HECTD4: variants seen among roughly 807,000 people sequenced by gnomAD.
HECTD4 encodes the protein probable E3 ubiquitin-protein ligase HECTD4.
A neutral mutation model predicts 471.5 loss-of-function variants in HECTD4; 114 were observed. That is an observed-to-expected ratio of 0.24 (90% CI 0.21 to 0.28). The LOEUF (loss-of-function observed/expected upper bound fraction) is 0.28, where lower values mean the gene tolerates loss of function less well. Ranked by LOEUF, HECTD4 falls within the 10% of genes least tolerant of loss-of-function variation. The pLI, the probability that HECTD4 is intolerant of heterozygous loss-of-function variation, is 1.00. For missense variants in HECTD4, 3,866 were observed against 5,651.5 expected (o/e 0.68, Z 10.13); for synonymous variants, 2,012 against 2,256.0 (o/e 0.89, Z 3.07).
chr12:112,164,517 G>A (rs1233439965), intron 72 of HECTD4, among the ~76,000 whole-genome samples: 2 of 152,096 alleles, frequency 1.3e-5, no homozygotes, highest in African/African-American at 2.4e-5. Context: ...TGGAGGCAGC[G>A]ATCCTCTCTC....
chr12:112,295,810 AAT>A (rs1555256046), intron 7 of HECTD4, among the ~76,000 whole-genome samples: 6 of 141,894 alleles, frequency 4.2e-5, no homozygotes, highest in African/African-American at 1.6e-4. Context: ...TTAAAAAAAA[AAT>A]ATATATATAT....
chr12:112,336,989 A>T (rs999550405), intron 1 of HECTD4, among the ~76,000 whole-genome samples: 2 of 152,228 alleles, frequency 1.3e-5, no homozygotes, highest in Admixed American at 1.3e-4. Context: ...AGTTCTTGTA[A>T]TGTAAATGAC....
At position 112,179,109 on chromosome 12, in the gene HECTD4, G is replaced by C. The variant is rs1593899979; in HGVS notation, c.11212-27C>G. 3 of 1,613,702 alleles carry C rather than the reference G, an allele frequency of 1.9e-6. No homozygotes were observed. The highest frequency in any genetic ancestry group is 1.7e-5 in the Admixed American group (1 of 59,966). ...TGTGGAGCACAGAGGCAGCGGGGAG[G>C]CTCTCAGGTTCGCCCTGCAGGGCAC... On this transcript the variant is annotated intron_variant, in intron 63 of 75. Transcript: ENST00000682272. This position sits in a 1 kb window ranked among gnomAD's most constrained non-coding sequence, Gnocchi z 4.3.
Position 112,193,369 on chromosome 12 carries a change from G to C in HECTD4, c.8955+100C>G. Reference sequence around the variant, plus strand: ...TAGGAAAAGGAAATCGAGAGGAATAGGGACTTGGAAGGGAAAGGGGAGTCA... The same window carrying C: ...TAGGAAAAGGAAATCGAGAGGAATACGGACTTGGAAGGGAAAGGGGAGTCA... On this transcript the variant is annotated intron_variant, in intron 57 of 75. Transcript: ENST00000682272. This position sits in a 1 kb window ranked among gnomAD's most constrained non-coding sequence, Gnocchi z 5.2. The C allele has an allele frequency of 1.5e-6, 2 of 1,356,462 alleles. No individual in the cohort carries two copies. The allele number at this position is 1,356,462 out of a possible 1,614,324, so 84.0% of individuals were successfully genotyped here.
At chr12:112,170,173 G>A (rs1306866524) in intron 69 of HECTD4, 160 bp downstream of exon 69, 8 of 1,001,726 alleles carry the variant, frequency 8.0e-6, no homozygotes, top group African/African-American at 1.6e-5. Context: ...AGCTCCTGAG[G>A]GGACCTTCCA....
At position 112,258,962 on chromosome 12, in the gene HECTD4, T is replaced by G. The variant is rs866381287; in HGVS notation, c.3027+150A>C. On this transcript the variant is annotated intron_variant, in intron 19 of 75. Transcript: ENST00000682272. ...TGTTTTCCCTTATTATTTATTTTTA[T>G]GACATGATATTTTTCTTCATTCCAT... 4.0e-5 allele frequency: 28 copies of G among 708,058 alleles called. No homozygotes were observed. The African/African-American group carries it at 4.2e-4, about 11-fold the overall frequency. The allele number at this position is 708,058 out of a possible 1,614,324, so 43.9% of individuals were successfully genotyped here.
At chr12:112,202,274 C>T (rs964598444) in intron 54 of HECTD4, among the ~76,000 whole-genome samples, 4 of 151,644 alleles carry the variant, frequency 2.6e-5, no homozygotes, top group South Asian at 2.1e-4. Flanking sequence ...GGCATGATCT[C>T]GGCTCACCGC....
At chr12:112,371,528 T>C (rs2036669671) in intron 1 of HECTD4, among the ~76,000 whole-genome samples, 1 of 149,630 alleles carries the variant, frequency 6.7e-6, no homozygotes, top group African/African-American at 2.5e-5. Flanking sequence ...TGAGCCGAGA[T>C]CACGCCATTG....
At chr12:112,260,893 A>C (rs981749957) in intron 18 of HECTD4, among the ~76,000 whole-genome samples, 2 of 152,114 alleles carry the variant, frequency 1.3e-5, no homozygotes, top group Non-Finnish European at 2.9e-5. Flanking sequence ...AATTACAGTA[A>C]AATCTTGAGG....
intron 50 of HECTD4, among the ~76,000 whole-genome samples, chr12:112,209,045 T>C (rs1182789330): frequency 6.6e-6 from 1 of 151,680 alleles, no homozygotes; most frequent in Non-Finnish European, 1.5e-5. Flanking sequence ...GGACTACAGG[T>C]GTGTGCCACC....
At position 112,290,180 on chromosome 12, in the gene HECTD4, G is replaced by A. The variant is rs369476749; in HGVS notation, c.1336-6878C>T. Among the ~76,000 whole-genome samples, 6 of 151,988 alleles carry A rather than the reference G, an allele frequency of 3.9e-5. No individual in the cohort carries two copies. In the South Asian group the frequency reaches 6.2e-4, roughly 16 times the overall value. ...TACAAAACATACCAAAATTAGCCCA[G>A]CAAGGTGGTGTGTGCCTGTGGTCCC... On this transcript the variant is annotated intron_variant, in intron 7 of 75. Transcript: ENST00000682272.
At position 112,252,385 on chromosome 12, in the gene HECTD4, T is replaced by C. The variant is rs191580592; in HGVS notation, c.3552+39A>G. 5 of 1,551,380 alleles carry C rather than the reference T, an allele frequency of 3.2e-6. No homozygotes were observed. In the East Asian group the frequency reaches 7.0e-5, roughly 22 times the overall value. Reference sequence around the variant, plus strand: ...GTATGTAATCAAGGCACATAGCAGATAGTACATTTTGTCCACGGCAGTGGT... The same window carrying C: ...GTATGTAATCAAGGCACATAGCAGACAGTACATTTTGTCCACGGCAGTGGT... On this transcript the variant is annotated intron_variant, in intron 23 of 75. Coordinates refer to ENST00000682272, the MANE Select transcript of HECTD4 (RefSeq NM_001388303.1).
chr12:112,257,648 T>A (rs187347826), intron 20 of HECTD4, among the ~76,000 whole-genome samples: 1 of 137,816 alleles, frequency 7.3e-6, no homozygotes, highest in African/African-American at 2.7e-5. Context: ...TATATAAACA[T>A]TGTTGTATAT....
Position 112,216,762 on chromosome 12 carries a change from C to T in HECTD4, c.7385+11G>A. ...TGCTCTCTGTCACACTGAGCTACTT[C>T]TTTTACTTACTTATGGAAAAGACAA... On this transcript the variant is annotated intron_variant, in intron 47 of 75. Coordinates refer to ENST00000682272, the MANE Select transcript of HECTD4 (RefSeq NM_001388303.1). The T allele has an allele frequency of 6.2e-7, 1 of 1,612,012 alleles. No homozygotes were observed. The highest frequency in any genetic ancestry group is 8.5e-7 in the Non-Finnish European group (1 of 1,178,244).
At chr12:112,311,027 C>T (rs889241005) in intron 4 of HECTD4, among the ~76,000 whole-genome samples, 3 of 151,942 alleles carry the variant, frequency 2.0e-5, no homozygotes, top group African/African-American at 2.4e-5. Context: ...TTTGGGAGGC[C>T]GAGGCGGGCA....
chr12:112,163,999 T>A lies in HECTD4; in HGVS notation c.12701+110A>T. ...TCCCTCTCCTGGTGAAATCCACCTG[T>A]CACCTGACCTAGGTCCTCGTGTCAT... is the stretch of plus-strand genomic sequence containing the variant. On this transcript the variant is annotated intron_variant, in intron 73 of 75. Coordinates refer to ENST00000682272, the MANE Select transcript of HECTD4 (RefSeq NM_001388303.1). This position sits in a 1 kb window ranked among gnomAD's most constrained non-coding sequence, Gnocchi z 8.2. The A allele has an allele frequency of 8.4e-7, 1 of 1,184,038 alleles. No individual in the cohort carries two copies. Among genetic ancestry groups the A allele is most frequent in the Non-Finnish European group, 1.1e-6 (1 of 898,446 alleles). 73.3% of individuals were successfully genotyped at this position (1,184,038 alleles called of 1,614,324 possible). A position where few individuals can be genotyped will look rare whatever the true frequency, so the allele number is the denominator to read the frequency against.
chr12:112,382,343 G>A lies in HECTD4; in HGVS notation c.-215C>T. 1.5e-5 allele frequency: 6 copies of A among 401,452 alleles called. No individual in the cohort carries two copies. In the South Asian group the frequency reaches 1.7e-4, roughly 12 times the overall value. The allele number at this position is 401,452 out of a possible 1,614,324, so 24.9% of individuals were successfully genotyped here. ...CCCCGGCCCTGCCGCCGCCGCCGCC[G>A]CCGCCGCCGCCGCCGCCCTCAGGAG... On this transcript the variant is annotated 5_prime_UTR_variant, in exon 1 of 76. Coordinates refer to ENST00000682272, the MANE Select transcript of HECTD4 (RefSeq NM_001388303.1).
intron 54 of HECTD4, chr12:112,201,205 T>C (rs1225923043): frequency 1.3e-5 from 5 of 381,506 alleles, no homozygotes; most frequent in Non-Finnish European, 5.1e-6. Flanking sequence ...GAGATTCTCC[T>C]GTCTCAGCCT....
chr12:112,341,167 A>C, intron 1 of HECTD4, among the ~76,000 whole-genome samples: 1 of 152,238 alleles, frequency 6.6e-6, no homozygotes, highest in Non-Finnish European at 1.5e-5. Flanking sequence ...TGAGCAGCAG[A>C]TTAAAAATGC....
Sources: allele counts gnomAD v4.1 joint callset (sites outside exome capture counted in the v4.1 genomes callset), GRCh38; gene constraint gnomAD v4.1.1; non-coding constraint Gnocchi (gnomAD v3.1); transcripts MANE v1.5; gene names NCBI Gene and HGNC (gene_info 2026-07-23, HGNC 2026-07-21).